Variants in ILRUN observed in about 807,000 individuals in gnomAD.
ILRUN encodes the protein protein ILRUN.
ILRUN carries 3 observed loss-of-function variants against 33.8 expected under a neutral mutation model. The ratio of observed to expected loss-of-function variants is 0.09; its 90% CI spans 0.04 to 0.23. The LOEUF (loss-of-function observed/expected upper bound fraction) is 0.23. ILRUN is among the 10% of genes least tolerant of loss of function. The probability of loss-of-function intolerance (pLI) is 1.00; values close to 1 mark genes in which losing one functional copy is unlikely to be tolerated. For missense variants in ILRUN, 210 were observed against 375.1 expected (o/e 0.56, Z 3.64); for synonymous variants, 124 against 138.9 (o/e 0.89, Z 0.75).
chr6:34,605,123 G>A (rs907852434), intron 4 of ILRUN, among the ~76,000 whole-genome samples: 15 of 151,878 alleles, frequency 9.9e-5, no homozygotes, highest in East Asian at 1.9e-4. Flanking sequence ...CATGACCAAC[G>A]TGGTGAAACC....
chr6:34,619,802 T>C (rs1761975222), intron 3 of ILRUN, among the ~76,000 whole-genome samples: 2 of 152,120 alleles, frequency 1.3e-5, no homozygotes, highest in South Asian at 4.2e-4. Context: ...CTGGCCAACA[T>C]GGTGAAACCC....
intron 3 of ILRUN, among the ~76,000 whole-genome samples, chr6:34,631,926 T>C (rs1056114769): frequency 4.0e-5 from 6 of 151,772 alleles, no homozygotes; most frequent in South Asian, 2.1e-4. Context: ...CATAATAGTT[T>C]ATAGTTTAGT....
intron 3 of ILRUN, among the ~76,000 whole-genome samples, chr6:34,633,790 G>A (rs978104556): frequency 6.7e-6 from 1 of 150,050 alleles, no homozygotes; most frequent in South Asian, 2.1e-4. Flanking sequence ...AAATGGAAAG[G>A]GAAAGAAAAG....
intron 3 of ILRUN, among the ~76,000 whole-genome samples, chr6:34,612,523 A>G (rs189633734): frequency 1.3e-5 from 2 of 152,368 alleles, no homozygotes; most frequent in Non-Finnish European, 2.9e-5. Flanking sequence ...ACAAAACCTC[A>G]TTATTATAGT....
Position 34,592,902 on chromosome 6 carries a change from G to C in ILRUN, c.862-2302C>G, listed in dbSNP as rs1045005395. Among the ~76,000 whole-genome samples, 1 of 152,156 alleles carries C rather than the reference G, an allele frequency of 6.6e-6. No homozygotes were observed. Among genetic ancestry groups the C allele is most frequent in the African/African-American group, 2.4e-5 (1 of 41,414 alleles). On this transcript the variant is annotated intron_variant, in intron 4 of 4. Coordinates refer to ENST00000374023, the MANE Select transcript of ILRUN (RefSeq NM_024294.4). This position sits in a 1 kb window ranked among gnomAD's most constrained non-coding sequence, Gnocchi z 4.0. ...GCAAAAAGAAAACCTTGCTAGGTAC[G>C]GTCGCTTATGTCTATAATCCCAGCA...
intron 3 of ILRUN, among the ~76,000 whole-genome samples, chr6:34,642,555 A>C (rs1762493391): frequency 6.6e-6 from 1 of 152,208 alleles, no homozygotes; most frequent in Admixed American, 6.5e-5. Context: ...GCACAATCAA[A>C]GCAATGGCTA....
chr6:34,661,854 G>A (rs1342409697), intron 1 of ILRUN, among the ~76,000 whole-genome samples: 4 of 152,054 alleles, frequency 2.6e-5, no homozygotes, highest in Non-Finnish European at 4.4e-5. Context: ...GGCCAGGCGC[G>A]GTGGCTCACG....
intron 3 of ILRUN, among the ~76,000 whole-genome samples, chr6:34,636,811 T>C (rs1762375235): frequency 6.6e-6 from 1 of 152,200 alleles, no homozygotes; most frequent in Non-Finnish European, 1.5e-5. Context: ...AAACATGTTC[T>C]AGTCTGATCT....
intron 1 of ILRUN, among the ~76,000 whole-genome samples, chr6:34,665,025 C>A (rs1762963907): frequency 6.6e-6 from 1 of 152,032 alleles, no homozygotes; most frequent in Non-Finnish European, 1.5e-5. Flanking sequence ...CTGGAGAGTG[C>A]AGTGGCATAC....
At chr6:34,661,852 G>A (rs2744951) in intron 1 of ILRUN, among the ~76,000 whole-genome samples, 1,750 of 152,178 alleles carry the variant, frequency 0.011, 15 homozygotes, top group Middle Eastern at 0.034. Context: ...GAGGCCAGGC[G>A]CGGTGGCTCA....
chr6:34,644,797 C>T (rs1034640580), intron 3 of ILRUN, among the ~76,000 whole-genome samples: 2 of 151,970 alleles, frequency 1.3e-5, no homozygotes, highest in South Asian at 4.1e-4. Context: ...AAAGGTGACT[C>T]AGGCAGGGCC....
chr6:34,680,607 G>A (rs1021775807), intron 1 of ILRUN, among the ~76,000 whole-genome samples: 1 of 151,994 alleles, frequency 6.6e-6, no homozygotes, highest in Non-Finnish European at 1.5e-5. Context: ...TGGGATTACA[G>A]GCACCTGGCT....
chr6:34,626,154 G>A (rs1762123240), intron 3 of ILRUN, among the ~76,000 whole-genome samples: 1 of 151,866 alleles, frequency 6.6e-6, no homozygotes, highest in East Asian at 1.9e-4. Flanking sequence ...CCGGCCAGGA[G>A]GCATTTTTTA....
intron 4 of ILRUN, 81 bp from the exon 5 acceptor site, chr6:34,590,681 TC>T: frequency 9.7e-7 from 1 of 1,031,704 alleles, no homozygotes; most frequent in Non-Finnish European, 1.5e-6. Context: ...GATCTATGGT[TC>T]CCAGTGAGTC....
chr6:34,683,234 CAACT>C (rs939549830), intron 1 of ILRUN, among the ~76,000 whole-genome samples: 1 of 150,936 alleles, frequency 6.6e-6, no homozygotes, highest in Non-Finnish European at 1.5e-5. Context: ...AGTACCTTGA[CAACT>C]AAATTCAGTT....
chr6:34,659,469 C>T (rs1282296885), intron 1 of ILRUN, among the ~76,000 whole-genome samples: 1 of 152,050 alleles, frequency 6.6e-6, no homozygotes, highest in East Asian at 1.9e-4. Context: ...CTCTGAACAT[C>T]TGATTTTCTT....
At chr6:34,631,660 A>G (rs573263592) in intron 3 of ILRUN, among the ~76,000 whole-genome samples, 4 of 152,228 alleles carry the variant, frequency 2.6e-5, no homozygotes, top group South Asian at 2.1e-4. Context: ...CACTATTTAT[A>G]TATCTTGCAC....
Position 34,658,608 on chromosome 6 carries a change from A to T in ILRUN, c.159-3829T>A, listed in dbSNP as rs535087475. 4.6e-5 allele frequency among the ~76,000 whole-genome samples: 7 copies of T among 151,208 alleles called. No individual in the cohort carries two copies. In the East Asian group the frequency reaches 1.4e-3, roughly 30 times the overall value. ...GATCGCCTGAGGTCAGGAATTCGAG[A>T]CCAGCCTGGCCAACATGGGGAAACC... On this transcript the variant is annotated intron_variant, in intron 1 of 4. Transcript: ENST00000374023.
intron 1 of ILRUN, among the ~76,000 whole-genome samples, chr6:34,655,237 A>T (rs781251018): frequency 1.3e-5 from 2 of 152,280 alleles, no homozygotes; most frequent in Non-Finnish European, 2.9e-5. Flanking sequence ...TCAGCCTCCC[A>T]AAGTGCTAGG....
Sources: allele counts gnomAD v4.1 joint callset (sites outside exome capture counted in the v4.1 genomes callset), GRCh38; gene constraint gnomAD v4.1.1; non-coding constraint Gnocchi (gnomAD v3.1); transcripts MANE v1.5; gene names NCBI Gene and HGNC (gene_info 2026-07-23, HGNC 2026-07-21).